The following PCSK6 variants were observed in gnomAD, a reference collection of about 807,000 sequenced individuals.
The protein encoded by PCSK6 is paired basic amino acid cleaving enzyme 4.
PCSK6 carries 85 observed loss-of-function variants against 123.3 expected under a neutral mutation model. The observed-to-expected ratio is 0.69, with a 90% confidence interval of 0.58 to 0.83. The LOEUF is 0.83. PCSK6 is among the 40% of genes least tolerant of loss of function. The probability of loss-of-function intolerance (pLI) is 0.00; values close to 1 mark genes in which losing one functional copy is unlikely to be tolerated. For missense variants in PCSK6, 1,191 were observed against 1,282.3 expected (o/e 0.93, Z 1.09); for synonymous variants, 508 against 516.0 (o/e 0.98, Z 0.21).
chr15:101,342,418 G>A (rs536850625), intron 13 of PCSK6, among the ~76,000 whole-genome samples: 1 of 152,224 alleles, frequency 6.6e-6, no homozygotes, highest in South Asian at 2.1e-4. Flanking sequence ...GAGATAAAGT[G>A]GAATGCTGAC....
At chr15:101,412,712 T>TATATATATATATAAAA (rs376981204) in intron 6 of PCSK6, among the ~76,000 whole-genome samples, 4 of 136,366 alleles carry the variant, frequency 2.9e-5, no homozygotes, top group Non-Finnish European at 6.1e-5. Flanking sequence ...TATATATATA[T>TATATATATATATAAAA]AAAATTACCC....
At chr15:101,321,104 C>CCCCCAG (rs1382403268) in intron 18 of PCSK6, among the ~76,000 whole-genome samples, 1 of 152,216 alleles carries the variant, frequency 6.6e-6, no homozygotes, top group East Asian at 1.9e-4. Context: ...CAGCTACCAG[C>CCCCCAG]CTGGGTTGAG....
intron 15 of PCSK6, among the ~76,000 whole-genome samples, chr15:101,327,098 GGCT>G (rs1256466413): frequency 6.6e-6 from 1 of 152,190 alleles, no homozygotes; most frequent in East Asian, 1.9e-4. Context: ...AGGGTTGGGG[GGCT>G]GCTGTTTTCT....
intron 7 of PCSK6, among the ~76,000 whole-genome samples, chr15:101,396,830 G>A (rs11247290): frequency 0.27 from 40,985 of 152,006 alleles, 6,004 homozygotes; most frequent in East Asian, 0.62. Flanking sequence ...GTGTGCGTGC[G>A]TGTGTGTGTC....
chr15:101,427,870 A>C, intron 6 of PCSK6, 22 bp downstream of exon 6: 2 of 1,534,748 alleles, frequency 1.3e-6, no homozygotes, highest in Non-Finnish European at 1.8e-6. Flanking sequence ...CTCGGCTCGC[A>C]GGCTGCCACG....
rs1213028762 is a variant in PCSK6 at position 101,307,241 on chromosome 15, G to A, written c.2784C>T (p.Ser928=). ...TGCTGCACGTGTGGTTGGTGATGCA[G>A]GAGGTCCCCAGCTGTGTGAAGCCCG... ...CKTGFTQLGT[S]CITNHTCSNA... Residue 928 remains serine (S), a synonymous_variant, in exon 21 of 22, where the codon TCC becomes TCT. Coordinates refer to ENST00000611716, the MANE Select transcript of PCSK6 (RefSeq NM_002570.5). The A allele has an allele frequency of 3.1e-6, 5 of 1,613,734 alleles. No homozygotes were observed. Among genetic ancestry groups the A allele is most frequent in the Non-Finnish European group, 4.2e-6 (5 of 1,179,742 alleles).
At chr15:101,409,381 C>G (rs544629640) in intron 6 of PCSK6, among the ~76,000 whole-genome samples, 10 of 152,160 alleles carry the variant, frequency 6.6e-5, no homozygotes, top group Admixed American at 1.3e-4. Flanking sequence ...GTCAGGAGAT[C>G]GAGACCATCC....
At chr15:101,452,639 A>ATCGAG (rs1478630087) in intron 1 of PCSK6, among the ~76,000 whole-genome samples, 1 of 152,168 alleles carries the variant, frequency 6.6e-6, no homozygotes, top group African/African-American at 2.4e-5. Context: ...GGAACGTGGA[A>ATCGAG]TCGAGCCCGT....
chr15:101,478,344 G>A (rs1300159630), intron 1 of PCSK6, among the ~76,000 whole-genome samples: 6 of 152,150 alleles, frequency 3.9e-5, no homozygotes, highest in East Asian at 3.9e-4. Context: ...ACTGGAATCC[G>A]AGGACCCAGT....
chr15:101,367,549 T>A (rs2041437642), intron 12 of PCSK6, among the ~76,000 whole-genome samples: 1 of 152,202 alleles, frequency 6.6e-6, no homozygotes, highest in African/African-American at 2.4e-5. Context: ...CAAGGCTGAT[T>A]TTCACACTCG....
intron 6 of PCSK6, among the ~76,000 whole-genome samples, chr15:101,415,344 C>T (rs920520999): frequency 6.6e-6 from 1 of 152,216 alleles, no homozygotes; most frequent in Non-Finnish European, 1.5e-5. Flanking sequence ...GTAGACTGCC[C>T]TTTGAGTTAG....
At chr15:101,483,777 C>G (rs1192886300) in intron 1 of PCSK6, among the ~76,000 whole-genome samples, 1 of 152,254 alleles carries the variant, frequency 6.6e-6, no homozygotes, top group African/African-American at 2.4e-5. Context: ...GTGTCCAGCT[C>G]TGTCCAAACG....
Position 101,355,718 on chromosome 15 carries a change from C to A in PCSK6, c.1858+10478G>T, listed in dbSNP as rs912643688. Among the ~76,000 whole-genome samples, 12 of 152,242 alleles carry A rather than the reference C, an allele frequency of 7.9e-5. No individual in the cohort carries two copies. In the South Asian group the frequency reaches 8.3e-4, roughly 10 times the overall value. On this transcript the variant is annotated intron_variant, in intron 13 of 21. Transcript: ENST00000611716. ...TTCCTGCAGAGCACTTTGCATGCAT[C>A]CGGCATGCCCATGGGGGCCCCAGGT...
intron 1 of PCSK6, among the ~76,000 whole-genome samples, chr15:101,467,405 G>A: frequency 6.6e-6 from 1 of 151,908 alleles, no homozygotes; most frequent in East Asian, 1.9e-4. Context: ...CCGAGTAGCT[G>A]GGACTACGAG....
intron 13 of PCSK6, among the ~76,000 whole-genome samples, chr15:101,355,570 C>T (rs2041012385): frequency 6.6e-6 from 1 of 152,226 alleles, no homozygotes; most frequent in African/African-American, 2.4e-5. Context: ...GGAAACACCC[C>T]TCACACCCAT....
At position 101,361,260 on chromosome 15, in the gene PCSK6, A is replaced by G. The variant is rs143046452; in HGVS notation, c.1858+4936T>C. ...TGGCATCCTGTTTTAAATCTTGATT[A>G]TCTCTCTATTATAGGAAGATATTTG... is the stretch of plus-strand genomic sequence containing the variant. On this transcript the variant is annotated intron_variant, in intron 13 of 21. Coordinates refer to ENST00000611716, the MANE Select transcript of PCSK6 (RefSeq NM_002570.5). Among the ~76,000 whole-genome samples, 358 of 147,130 alleles carry G rather than the reference A, an allele frequency of 2.4e-3. 2 individuals are homozygous for G. Among genetic ancestry groups the G allele is most frequent in the Admixed American group, 4.5e-3 (64 of 14,326 alleles).
chr15:101,450,031 T>TCGCCATCCTGCACCCC (rs2056993047), intron 1 of PCSK6, among the ~76,000 whole-genome samples: 2 of 151,996 alleles, frequency 1.3e-5, no homozygotes, highest in Non-Finnish European at 2.9e-5. Flanking sequence ...CACTGCACCC[T>TCGCCATCCTGCACCCC]CGCCATCCTG....
chr15:101,359,549 A>G (rs73495303), intron 13 of PCSK6, among the ~76,000 whole-genome samples: 3,165 of 152,384 alleles, frequency 0.021, 69 homozygotes, highest in African/African-American at 0.053. Flanking sequence ...GGAGGCTCTC[A>G]GGGCACAGCA....
intron 2 of PCSK6, among the ~76,000 whole-genome samples, chr15:101,434,963 G>A (rs1179064569): frequency 6.6e-6 from 1 of 152,110 alleles, no homozygotes; most frequent in African/African-American, 2.4e-5. Flanking sequence ...GGCATCCTGG[G>A]GTCACTTATT....
Sources: gnomAD v4.1 joint callset for allele counts (sites outside exome capture counted in the v4.1 genomes callset) on GRCh38, gnomAD v4.1.1 for gene constraint, MANE v1.5 for transcripts, NCBI Gene and HGNC (gene_info 2026-07-23, HGNC 2026-07-21) for gene names.